The following OXR1 variants were observed in gnomAD, a reference collection of about 807,000 sequenced individuals.
OXR1 encodes oxidation resistance protein 1.
OXR1 carries 41 observed loss-of-function variants against 104.6 expected under a neutral mutation model. The ratio of observed to expected loss-of-function variants is 0.39; its 90% CI spans 0.31 to 0.51. The LOEUF (loss-of-function observed/expected upper bound fraction) is 0.51. OXR1 is among the 20% of genes least tolerant of loss of function. The pLI, the probability that OXR1 is intolerant of heterozygous loss-of-function variation, is 0.77. For synonymous variants in OXR1, 348 were observed against 348.4 expected (o/e 1.00, Z 0.01); for missense variants, 955 against 1,031.9 (o/e 0.93, Z 1.02).
At chr8:106,745,198 C>T (rs1049063643) in intron 15 of OXR1, among the ~76,000 whole-genome samples, 1 of 151,950 alleles carries the variant, frequency 6.6e-6, no homozygotes, top group Non-Finnish European at 1.5e-5. Context: ...GGTAAAACAC[C>T]CATAAAAGGT....
Position 106,439,103 on chromosome 8 carries a change from T to TATGGACCGAATTTCTGCGTCTC in OXR1, c.23+79468_23+79489dup, listed in dbSNP as rs374585521. Among the ~76,000 whole-genome samples, 150 of 152,278 alleles carry TATGGACCGAATTTCTGCGTCTC rather than the reference T, an allele frequency of 9.9e-4. 1 individual carries two copies. Among genetic ancestry groups the TATGGACCGAATTTCTGCGTCTC allele is most frequent in the African/African-American group, 3.4e-3 (143 of 41,582 alleles). Reference sequence around the variant, plus strand: ...TATTTCTATTTGTGTTTGTTACTGCTATGGACCGAATTTCTGCGTCTCTTT... The same window carrying TATGGACCGAATTTCTGCGTCTC: ...TATTTCTATTTGTGTTTGTTACTGCTATGGACCGAATTTCTGCGTCTCATGGACCGAATTTCTGCGTCTCTTT... On this transcript the variant is annotated intron_variant, in intron 2 of 16. Coordinates refer to ENST00000517566, the MANE Select transcript of OXR1 (RefSeq NM_001198533.2).
chr8:106,575,985 AACACACACACACAC>A (rs35038334), intron 3 of OXR1, among the ~76,000 whole-genome samples: 4 of 144,406 alleles, frequency 2.8e-5, no homozygotes, highest in African/African-American at 7.7e-5. Context: ...AAATGTTTAT[AACACACACACACAC>A]ACACACACAC....
chr8:106,580,779 T>A (rs1393965032), intron 3 of OXR1, among the ~76,000 whole-genome samples: 2 of 152,198 alleles, frequency 1.3e-5, no homozygotes, highest in Admixed American at 1.3e-4. Context: ...TTTTTAATGA[T>A]GCAATATAAT....
intron 3 of OXR1, among the ~76,000 whole-genome samples, chr8:106,612,659 C>T (rs1820905172): frequency 6.6e-6 from 1 of 152,034 alleles, no homozygotes; most frequent in African/African-American, 2.4e-5. Flanking sequence ...ACTGTATTAA[C>T]ATTGTTTATT....
intron 1 of OXR1, chr8:106,272,970 A>G (rs139808983): frequency 6.6e-6 from 1 of 152,320 alleles, no homozygotes; most frequent in African/African-American, 2.4e-5. Flanking sequence ...AGGGTATCAT[A>G]TAAAAGCAGA....
intron 2 of OXR1, among the ~76,000 whole-genome samples, chr8:106,406,550 T>C (rs1183639729): frequency 6.6e-6 from 1 of 152,142 alleles, no homozygotes; most frequent in Non-Finnish European, 1.5e-5. Flanking sequence ...TGAACAGTTA[T>C]TAAGAAATCT....
At chr8:106,604,687 T>C (rs1266550312) in intron 3 of OXR1, 1 of 152,206 alleles carries the variant, frequency 6.6e-6, no homozygotes, top group Middle Eastern at 3.2e-3. Flanking sequence ...AGGAAACAGA[T>C]GCTTAACAAA....
chr8:106,716,618 G>A lies in OXR1; in HGVS notation c.1956+2633G>A, dbSNP rs1348740859. Among the ~76,000 whole-genome samples the A allele has an allele frequency of 2.9e-3, 53 of 18,322 alleles. 12 individuals are homozygous for A. Among genetic ancestry groups the A allele is most frequent in the Non-Finnish European group, 4.2e-3 (48 of 11,550 alleles). The allele number at this position is 18,322 out of a possible 152,430, so 12.0% of individuals were successfully genotyped here. A position where few individuals can be genotyped will look rare whatever the true frequency, so the allele number is the denominator to read the frequency against. ...CGCAGTCCGGCCTGGGCGACAGAGC[G>A]AGACTCCGTCTCAAAAAAAAAAAAA... On this transcript the variant is annotated intron_variant, in intron 11 of 16. Coordinates refer to ENST00000517566, the MANE Select transcript of OXR1 (RefSeq NM_001198533.2).
At chr8:106,742,114 A>G (rs1041522439) in intron 14 of OXR1, 108 bp from the exon 15 acceptor site, 26 of 688,028 alleles carry the variant, frequency 3.8e-5, no homozygotes, top group Admixed American at 1.1e-4. Context: ...AGATTAAACT[A>G]TACCAGATTT....
At chr8:106,477,364 C>A (rs1401562048) in intron 2 of OXR1, among the ~76,000 whole-genome samples, 1 of 151,916 alleles carries the variant, frequency 6.6e-6, no homozygotes, top group East Asian at 1.9e-4. Flanking sequence ...ACCACAATAA[C>A]AACAGGAGGT....
chr8:106,630,895 G>T (rs1187613866), intron 3 of OXR1, among the ~76,000 whole-genome samples: 2 of 152,198 alleles, frequency 1.3e-5, no homozygotes, highest in African/African-American at 4.8e-5. Context: ...GCTTCATGCT[G>T]TGTTGCTGCC....
chr8:106,568,463 T>G (rs1274776390), intron 3 of OXR1, among the ~76,000 whole-genome samples: 1 of 152,152 alleles, frequency 6.6e-6, no homozygotes, highest in Non-Finnish European at 1.5e-5. Flanking sequence ...GAGAATGTAC[T>G]AGACGGATGA....
At chr8:106,302,918 A>AT (rs1371707403) in intron 1 of OXR1, among the ~76,000 whole-genome samples, 6 of 150,852 alleles carry the variant, frequency 4.0e-5, no homozygotes, top group East Asian at 2.0e-4. Flanking sequence ...GGCCCGGCTA[A>AT]TTTTTTTTGT....
intron 11 of OXR1, among the ~76,000 whole-genome samples, chr8:106,729,579 GTAGATAGTCA>G (rs1376286662): frequency 6.6e-6 from 1 of 151,970 alleles, no homozygotes; most frequent in Non-Finnish European, 1.5e-5. Context: ...CCTATCTATA[GTAGATAGTCA>G]TAAGACATTT....
intron 3 of OXR1, among the ~76,000 whole-genome samples, chr8:106,582,256 C>A (rs1818302422): frequency 7.0e-6 from 1 of 143,450 alleles, no homozygotes; most frequent in African/African-American, 2.7e-5. Context: ...ATTCAAAATC[C>A]AGGGCAGCTC....
chr8:106,355,776 C>T lies in OXR1; in HGVS notation c.-138-3700C>T, dbSNP rs1025268555. ...ATATTTATTTCATTTTAGAAATCTA[C>T]ATATAAGCTTATCAAATTCCAAGTT... On this transcript the variant is annotated intron_variant, in intron 1 of 16. Coordinates refer to ENST00000517566, the MANE Select transcript of OXR1 (RefSeq NM_001198533.2). 4.6e-5 allele frequency among the ~76,000 whole-genome samples: 7 copies of T among 151,644 alleles called. No individual in the cohort carries two copies. The South Asian group carries it at 1.5e-3, about 31-fold the overall frequency.
chr8:106,604,850 T>A (rs559177983), intron 3 of OXR1: 1 of 152,146 alleles, frequency 6.6e-6, no homozygotes, highest in Non-Finnish European at 1.5e-5. Context: ...TCAGAAATGA[T>A]TGAAGCTGTT....
intron 3 of OXR1, among the ~76,000 whole-genome samples, chr8:106,586,888 G>T (rs114387403): frequency 1.3e-5 from 2 of 152,162 alleles, no homozygotes; most frequent in Non-Finnish European, 2.9e-5. Context: ...CAGTGCAGTG[G>T]TGGGTCTCTA....
rs545832376 is a variant in OXR1 at position 106,438,987 on chromosome 8, C to T, written c.23+79351C>T. On this transcript the variant is annotated intron_variant, in intron 2 of 16. Transcript: ENST00000517566. ...GATAATCCATGAAAGGTGCTTAGAA[C>T]CTTCCTGGAGCAAAATGATGGAAAA... 2.0e-4 allele frequency among the ~76,000 whole-genome samples: 30 copies of T among 152,190 alleles called. No individual in the cohort carries two copies. The South Asian group carries it at 6.0e-3, about 31-fold the overall frequency.
Sources: gnomAD v4.1 joint callset for allele counts (sites outside exome capture counted in the v4.1 genomes callset) on GRCh38, gnomAD v4.1.1 for gene constraint, MANE v1.5 for transcripts, NCBI Gene and HGNC (gene_info 2026-07-23, HGNC 2026-07-21) for gene names.